Variants in CDH8 observed in about 807,000 individuals in gnomAD.
CDH8 encodes cadherin 8.
In CDH8, 17 loss-of-function variants were observed where a neutral mutation model predicts 68.1. The observed-to-expected ratio is 0.25, with a 90% CI of 0.17 to 0.37. The LOEUF (loss-of-function observed/expected upper bound fraction) is 0.37. CDH8 is among the 10% of genes least tolerant of loss of function. The pLI, the probability that CDH8 is intolerant of heterozygous loss-of-function variation, is 1.00. For synonymous variants in CDH8, 372 were observed against 365.1 expected (o/e 1.02, Z -0.21); for missense variants, 763 against 999.3 (o/e 0.76, Z 3.19).
chr16:61,804,468 C>T (rs922103434), intron 7 of CDH8, among the ~76,000 whole-genome samples: 57 of 151,132 alleles, frequency 3.8e-4, no homozygotes, highest in African/African-American at 1.4e-3. Flanking sequence ...TAACTAAAAT[C>T]AGAGCAGAAC....
intron 2 of CDH8, among the ~76,000 whole-genome samples, chr16:61,970,558 T>C (rs1189591771): frequency 1.3e-5 from 2 of 152,146 alleles, no homozygotes; most frequent in African/African-American, 4.8e-5. Context: ...TGAGGAACTC[T>C]GTGAGAAAAT....
At chr16:61,685,133 T>G (rs932476375) in intron 10 of CDH8, among the ~76,000 whole-genome samples, 1 of 146,452 alleles carries the variant, frequency 6.8e-6, no homozygotes, top group Non-Finnish European at 1.5e-5. Flanking sequence ...GAATTGAGAA[T>G]AGAGAGAAGT....
At chr16:61,855,718 T>C (rs1182180277) in intron 4 of CDH8, among the ~76,000 whole-genome samples, 1 of 152,156 alleles carries the variant, frequency 6.6e-6, no homozygotes, top group Non-Finnish European at 1.5e-5. Flanking sequence ...TTATTACCTA[T>C]TAAACTGAAG....
At chr16:62,013,604 C>G in intron 2 of CDH8, among the ~76,000 whole-genome samples, 1 of 152,172 alleles carries the variant, frequency 6.6e-6, no homozygotes, top group East Asian at 1.9e-4. Flanking sequence ...CATTTTATAT[C>G]TTGCCTTTGA....
chr16:61,688,330 C>T (rs533626856), intron 10 of CDH8, among the ~76,000 whole-genome samples: 12 of 152,044 alleles, frequency 7.9e-5, no homozygotes, highest in East Asian at 7.8e-4. Context: ...TGAAGGACAC[C>T]GGCTTTCTTT....
intron 9 of CDH8, among the ~76,000 whole-genome samples, chr16:61,717,417 A>G (rs1176431180): frequency 6.6e-6 from 1 of 151,568 alleles, no homozygotes; most frequent in East Asian, 1.9e-4. Flanking sequence ...CTAGAAAACA[A>G]TTGTGTGCTA....
At chr16:61,931,423 A>T (rs1379447462) in intron 2 of CDH8, among the ~76,000 whole-genome samples, 2 of 152,066 alleles carry the variant, frequency 1.3e-5, no homozygotes, top group South Asian at 4.1e-4. Flanking sequence ...TGATCCTTCC[A>T]CCTCGGTTTC....
intron 2 of CDH8, among the ~76,000 whole-genome samples, chr16:61,908,017 T>C (rs1165947982): frequency 7.4e-6 from 1 of 135,066 alleles, no homozygotes; most frequent in Non-Finnish European, 1.5e-5. Flanking sequence ...CACTCCAGCC[T>C]GCGCGACAGA....
At chr16:61,988,853 T>C (rs1965670338) in intron 2 of CDH8, among the ~76,000 whole-genome samples, 1 of 152,118 alleles carries the variant, frequency 6.6e-6, no homozygotes, top group African/African-American at 2.4e-5. Flanking sequence ...GAAATCCCAA[T>C]CTTAGGCTAA....
chr16:61,870,124 T>C (rs1963329112), intron 3 of CDH8, among the ~76,000 whole-genome samples: 3 of 152,200 alleles, frequency 2.0e-5, no homozygotes, highest in African/African-American at 7.2e-5. Context: ...TAAAAATCGA[T>C]GTATCTAGAA....
chr16:61,983,084 T>G (rs575289847), intron 2 of CDH8, among the ~76,000 whole-genome samples: 1 of 152,274 alleles, frequency 6.6e-6, no homozygotes, highest in African/African-American at 2.4e-5. Flanking sequence ...AATCTAAAAT[T>G]TGAAGCCCTG....
At chr16:61,962,812 A>C (rs1965181513) in intron 2 of CDH8, among the ~76,000 whole-genome samples, 1 of 152,214 alleles carries the variant, frequency 6.6e-6, no homozygotes, top group African/African-American at 2.4e-5. Context: ...GAATGTTTTT[A>C]GACATTCAGT....
intron 8 of CDH8, among the ~76,000 whole-genome samples, chr16:61,782,360 C>T (rs141382276): frequency 6.6e-6 from 1 of 152,062 alleles, no homozygotes; most frequent in Admixed American, 6.5e-5. Context: ...CACTCCAACC[C>T]GAATATTGCG....
At chr16:61,988,584 C>G (rs1567558196) in intron 2 of CDH8, among the ~76,000 whole-genome samples, 1 of 148,392 alleles carries the variant, frequency 6.7e-6, no homozygotes, top group Non-Finnish European at 1.5e-5. Context: ...CAGCAACAAA[C>G]AAAAACAAAC....
intron 2 of CDH8, among the ~76,000 whole-genome samples, chr16:61,947,331 T>C (rs949171856): frequency 1.3e-5 from 2 of 152,128 alleles, no homozygotes; most frequent in African/African-American, 4.8e-5. Flanking sequence ...TCAAAGAAAA[T>C]GTTGAACATT....
intron 4 of CDH8, among the ~76,000 whole-genome samples, chr16:61,833,418 T>A (rs1442003243): frequency 1.3e-5 from 2 of 151,800 alleles, no homozygotes; most frequent in African/African-American, 4.8e-5. Flanking sequence ...TATATACACA[T>A]GTCAAATGAA....
chr16:61,997,142 G>C (rs1018350582), intron 2 of CDH8, among the ~76,000 whole-genome samples: 2 of 152,036 alleles, frequency 1.3e-5, no homozygotes, highest in African/African-American at 4.8e-5. Context: ...TAATTTTAAT[G>C]TTATTTCCAA....
chr16:61,753,889 A>C (rs1420557928), intron 8 of CDH8, among the ~76,000 whole-genome samples: 1 of 152,144 alleles, frequency 6.6e-6, no homozygotes, highest in Non-Finnish European at 1.5e-5. Flanking sequence ...TAATAAAAAC[A>C]GTAGGAGCTT....
chr16:62,026,800 C>G (rs1902208277), intron 1 of CDH8, among the ~76,000 whole-genome samples: 1 of 152,204 alleles, frequency 6.6e-6, no homozygotes, highest in Non-Finnish European at 1.5e-5. Flanking sequence ...CACTTGGAAC[C>G]ACACTATTTG....
Sources: allele counts gnomAD v4.1 joint callset (sites outside exome capture counted in the v4.1 genomes callset), GRCh38; gene constraint gnomAD v4.1.1; transcripts MANE v1.5; gene names NCBI Gene and HGNC (gene_info 2026-07-23, HGNC 2026-07-21).